Variants in DCT observed in about 807,000 individuals in gnomAD.
DCT encodes L-dopachrome tautomerase.
DCT carries 47 observed loss-of-function variants against 53.0 expected under a neutral mutation model. The ratio of observed to expected loss-of-function variants is 0.89; its 90% CI spans 0.70 to 1.13. The LOEUF is 1.13. Among genes scored for constraint, DCT ranks in the 50% most tolerant of loss-of-function variants. DCT has a pLI of 0.00. For missense variants in DCT, 669 were observed against 637.4 expected (o/e 1.05, Z -0.53); for synonymous variants, 244 against 237.0 (o/e 1.03, Z -0.27).
the DCT span, among the ~76,000 whole-genome samples, chr13:94,528,871 T>A: frequency 7.9e-5 from 12 of 152,218 alleles, no homozygotes; most frequent in African/African-American, 2.9e-4. Context: ...TCAAGACCCA[T>A]CGGTGTGCTG....
the DCT span, among the ~76,000 whole-genome samples, chr13:94,530,095 T>C: frequency 1.3e-5 from 2 of 152,078 alleles, no homozygotes; most frequent in Non-Finnish European, 2.9e-5. Context: ...AAGTTGAATC[T>C]CTGAATAGAC....
chr13:94,446,970 C>A (rs888220417), intron 6 of DCT, among the ~76,000 whole-genome samples: 1 of 152,072 alleles, frequency 6.6e-6, no homozygotes, highest in Admixed American at 6.6e-5. Flanking sequence ...AACAAGGTGA[C>A]ATTCTGAGTT....
chr13:94,529,390 G>T, the DCT span, among the ~76,000 whole-genome samples: 3 of 152,160 alleles, frequency 2.0e-5, no homozygotes, highest in African/African-American at 7.2e-5. Context: ...ATAATTGTTA[G>T]TAAAACACTC....
intron 1 of DCT, among the ~76,000 whole-genome samples, chr13:94,472,549 TA>T (rs1884768080): frequency 3.3e-5 from 1 of 30,718 alleles, no homozygotes; most frequent in African/African-American, 1.5e-4. Flanking sequence ...TATATATATA[TA>T]TATATATATA....
intron 1 of DCT, among the ~76,000 whole-genome samples, chr13:94,472,543 TA>T (rs1884752246): frequency 2.9e-5 from 1 of 34,658 alleles, no homozygotes; most frequent in African/African-American, 1.4e-4. Context: ...TATATATATA[TA>T]TATATATATA....
Position 94,462,010 on chromosome 13 carries a change from C to T in DCT, c.1043G>A (p.Arg348Lys), listed in dbSNP as rs760223077. 6.2e-7 allele frequency: 1 copy of T among 1,613,116 alleles called. No individual in the cohort carries two copies. The highest frequency in any genetic ancestry group is 8.5e-7 in the Non-Finnish European group (1 of 1,179,736). The change falls in exon 5 of 8, where the codon AGG becomes AAG. Residue 348 changes from arginine (R) to lysine (K), a missense_variant and splice_region_variant. Coordinates refer to ENST00000377028, the MANE Select transcript of DCT (RefSeq NM_001922.5). ...GTCCAGCAGAGCTCAGAGCACCCAC[C>T]TGAAACTGAAGGTAGAGTTCTGGAA... ...PFFQNSTFSFRNALEGFDKAD... is the reference protein window; with the variant it reads ...PFFQNSTFSFKNALEGFDKAD...
chr13:94,525,307 G>A, the DCT span, among the ~76,000 whole-genome samples: 1 of 152,018 alleles, frequency 6.6e-6, no homozygotes, highest in South Asian at 2.1e-4. Context: ...TCACCACATT[G>A]GTCAGGCTGG....
intron 6 of DCT, among the ~76,000 whole-genome samples, chr13:94,453,786 C>T (rs1471649360): frequency 2.0e-5 from 3 of 152,186 alleles, no homozygotes; most frequent in African/African-American, 7.2e-5. Context: ...GTAAGATGTG[C>T]TTTTCACCTT....
chr13:94,524,043 T>A, the DCT span, among the ~76,000 whole-genome samples: 1 of 152,158 alleles, frequency 6.6e-6, no homozygotes, highest in African/African-American at 2.4e-5. Flanking sequence ...TTGAATTCAA[T>A]AAAATGAGCT....
chr13:94,493,169 G>T, the DCT span, among the ~76,000 whole-genome samples: 1 of 152,080 alleles, frequency 6.6e-6, no homozygotes, highest in Non-Finnish European at 1.5e-5. Flanking sequence ...CTATAAGATG[G>T]TTTTTGATAT....
intron 6 of DCT, among the ~76,000 whole-genome samples, chr13:94,459,361 G>C (rs557931208): frequency 6.6e-6 from 1 of 152,314 alleles, no homozygotes; most frequent in African/African-American, 2.4e-5. Context: ...TCAAATGTGA[G>C]TTTTTGTATT....
chr13:94,497,460 C>A, the DCT span, among the ~76,000 whole-genome samples: 1 of 152,184 alleles, frequency 6.6e-6, no homozygotes, highest in East Asian at 1.9e-4. Context: ...GCTTTTAACT[C>A]CCCCAAAACT....
At chr13:94,498,429 C>G in the DCT span, among the ~76,000 whole-genome samples, 1 of 152,140 alleles carries the variant, frequency 6.6e-6, no homozygotes, top group Non-Finnish European at 1.5e-5. Flanking sequence ...GGAGGTGGAG[C>G]CTTTGGGAAA....
chr13:94,484,244 C>G (rs1328503339), upstream of DCT, among the ~76,000 whole-genome samples: 1 of 152,182 alleles, frequency 6.6e-6, no homozygotes, highest in African/African-American at 2.4e-5. Flanking sequence ...TTACTCACGT[C>G]TGCTCCCACC....
chr13:94,514,586 C>T, the DCT span, among the ~76,000 whole-genome samples: 1 of 152,152 alleles, frequency 6.6e-6, no homozygotes, highest in Non-Finnish European at 1.5e-5. Context: ...CACTTACATG[C>T]AAAAGCTAAA....
At chr13:94,514,217 G>T in the DCT span, among the ~76,000 whole-genome samples, 1 of 152,052 alleles carries the variant, frequency 6.6e-6, no homozygotes, top group African/African-American at 2.4e-5. Flanking sequence ...AATACGGAAA[G>T]AGCACAGATG....
At chr13:94,464,572 G>A (rs772369974) in intron 4 of DCT, among the ~76,000 whole-genome samples, 5 of 151,904 alleles carry the variant, frequency 3.3e-5, no homozygotes, top group East Asian at 1.9e-4. Context: ...CCAGGGAGTC[G>A]GAGGTTGCAG....
intron 4 of DCT, among the ~76,000 whole-genome samples, chr13:94,463,477 C>T (rs1032294285): frequency 8.9e-6 from 1 of 112,528 alleles, no homozygotes; most frequent in Non-Finnish European, 1.9e-5. Context: ...AGCTGTCAGG[C>T]TGGTTGGTCA....
the DCT span, among the ~76,000 whole-genome samples, chr13:94,489,955 G>A: frequency 1.3e-5 from 2 of 152,004 alleles, no homozygotes; most frequent in African/African-American, 2.4e-5. Context: ...ATGATGATAC[G>A]CTATGTTTAC....
Sources: allele counts gnomAD v4.1 joint callset (sites outside exome capture counted in the v4.1 genomes callset), GRCh38; gene constraint gnomAD v4.1.1; transcripts MANE v1.5; gene names NCBI Gene and HGNC (gene_info 2026-07-23, HGNC 2026-07-21).